Variants in IGF2BP2 observed in about 807,000 individuals in gnomAD.
IGF2BP2 encodes insulin-like growth factor 2 mRNA-binding protein 2.
IGF2BP2 carries 17 observed loss-of-function variants against 75.8 expected under a neutral mutation model. That is an observed-to-expected ratio of 0.22 (90% CI 0.15 to 0.34). The LOEUF is 0.34. IGF2BP2 is among the 10% of genes least tolerant of loss of function. The pLI, the probability that IGF2BP2 is intolerant of heterozygous loss-of-function variation, is 1.00. For synonymous variants in IGF2BP2, 288 were observed against 295.6 expected, an observed-to-expected ratio of 0.97 and a Z score of 0.26; for missense variants, 516 against 772.4, an observed-to-expected ratio of 0.67 and a Z score of 3.93.
intron 2 of IGF2BP2, among the ~76,000 whole-genome samples, chr3:185,721,721 T>C (rs2149470632): frequency 6.6e-6 from 1 of 152,282 alleles, no homozygotes; most frequent in East Asian, 1.9e-4. Context: ...TCCTCTTCTC[T>C]GTCTACCACC....
chr3:185,679,431 AC>A (rs1377025346), intron 7 of IGF2BP2, among the ~76,000 whole-genome samples: 1 of 151,982 alleles, frequency 6.6e-6, no homozygotes, highest in Non-Finnish European at 1.5e-5. Context: ...ATGTTTTTAT[AC>A]CCATTAACAT....
intron 2 of IGF2BP2, among the ~76,000 whole-genome samples, chr3:185,759,000 G>A (rs1237693710): frequency 6.6e-6 from 1 of 152,174 alleles, no homozygotes; most frequent in African/African-American, 2.4e-5. Context: ...GTAATGCTGA[G>A]AATCCAAAAC....
intron 2 of IGF2BP2, among the ~76,000 whole-genome samples, chr3:185,705,915 G>A (rs1259096482): frequency 6.6e-6 from 1 of 152,152 alleles, no homozygotes; most frequent in Non-Finnish European, 1.5e-5. Context: ...GAATTTGGGG[G>A]AGACACAAAC....
chr3:185,652,100 C>T lies in IGF2BP2; in HGVS notation c.1455G>A (p.Gln485=). ...GGTGTCCCTTGGCACTAACCTTGAA[C>T]TGGGCTTCCGGTGGCCCGGTGATGA... ...MVIITGPPEA[Q]FKAQGRIFGK... The change falls in exon 13 of 16, where the codon CAG becomes CAA. Residue 485 remains glutamine (Q), a synonymous_variant. Coordinates refer to ENST00000382199, the MANE Select transcript of IGF2BP2 (RefSeq NM_006548.6). 1 of 1,612,526 alleles carries T rather than the reference C, an allele frequency of 6.2e-7. No individual in the cohort carries two copies. The highest frequency in any genetic ancestry group is 8.5e-7 in the Non-Finnish European group (1 of 1,178,988).
In IGF2BP2 at chr3:185,677,066, T is replaced by G. The variant is rs865808429; in HGVS notation, c.813-1153A>C. ...GGAGATATATATATATATATATATA[T>G]ATAGAGAGAGAGAGAGAGAGAGAGA... On this transcript the variant is annotated intron_variant, in intron 7 of 15. Coordinates refer to ENST00000382199, the MANE Select transcript of IGF2BP2 (RefSeq NM_006548.6). Among the ~76,000 whole-genome samples the G allele has an allele frequency of 7.5e-3, 289 of 38,332 alleles. 2 individuals are homozygous for G. Among genetic ancestry groups the G allele is most frequent in the African/African-American group, 0.023 (179 of 7,904 alleles). 25.1% of individuals were successfully genotyped at this position (38,332 alleles called of 152,430 possible). A position where few individuals can be genotyped will look rare whatever the true frequency, so the allele number is the denominator to read the frequency against.
intron 12 of IGF2BP2, among the ~76,000 whole-genome samples, chr3:185,654,453 A>C (rs1397393809): frequency 6.6e-6 from 1 of 152,140 alleles, no homozygotes; most frequent in Non-Finnish European, 1.5e-5. Context: ...CCACCACCCA[A>C]ACCGAGAAGG....
intron 2 of IGF2BP2, among the ~76,000 whole-genome samples, chr3:185,756,844 G>A (rs976822352): frequency 1.7e-4 from 26 of 152,166 alleles, no homozygotes; most frequent in African/African-American, 5.8e-4. Context: ...GCATGGTGGT[G>A]AGCATCTGTA....
chr3:185,740,941 G>A (rs751322590), intron 2 of IGF2BP2, among the ~76,000 whole-genome samples: 8 of 152,142 alleles, frequency 5.3e-5, no homozygotes, highest in Non-Finnish European at 8.8e-5. Flanking sequence ...GCGGTGGCGC[G>A]ATCTCGGCTC....
chr3:185,821,221 C>G, intron 2 of IGF2BP2: 1 of 1,111,422 alleles, frequency 9.0e-7, no homozygotes, highest in East Asian at 2.7e-5. Flanking sequence ...TGTAACTCCT[C>G]TAGAGCAGCA....
At chr3:185,744,925 G>GT (rs1335183672) in intron 2 of IGF2BP2, among the ~76,000 whole-genome samples, 3 of 152,138 alleles carry the variant, frequency 2.0e-5, no homozygotes, top group South Asian at 2.1e-4. Context: ...GATAAACCTA[G>GT]TTTTTTTAAC....
rs1717321019 is a variant in IGF2BP2 at position 185,665,455 on chromosome 3, GAGAAGAAGAAGAAGAAGAAGGAGAAGA to G, written c.1200+7059_1201-7047del. ...GGAGGAGGAGAAGGAGGAGGAGGAGGAGAAGAAGAAGAAGAAGAAGGAGAAGAAGGAGGAGAAGGAGGAGGAGAAGGA... is the reference window on the plus strand; with the variant it reads ...GGAGGAGGAGAAGGAGGAGGAGGAGGAGGAGGAGAAGGAGGAGGAGAAGGA... On this transcript the variant is annotated intron_variant, in intron 10 of 15. Coordinates refer to ENST00000382199, the MANE Select transcript of IGF2BP2 (RefSeq NM_006548.6). Among the ~76,000 whole-genome samples the G allele has an allele frequency of 2.9e-4, 29 of 101,022 alleles. 2 individuals carry two copies. Among genetic ancestry groups the G allele is most frequent in the Admixed American group, 4.1e-4 (4 of 9,646 alleles). 66.3% of individuals were successfully genotyped at this position (101,022 alleles called of 152,430 possible).
At chr3:185,790,454 A>C (rs1736494669) in intron 2 of IGF2BP2, among the ~76,000 whole-genome samples, 1 of 152,224 alleles carries the variant, frequency 6.6e-6, no homozygotes, top group Admixed American at 6.5e-5. Flanking sequence ...TAATCTCTTC[A>C]AACAGCCCAC....
intron 2 of IGF2BP2, among the ~76,000 whole-genome samples, chr3:185,745,558 C>T (rs1346179809): frequency 6.6e-6 from 1 of 152,112 alleles, no homozygotes; most frequent in Non-Finnish European, 1.5e-5. Flanking sequence ...GCTGCCCAGC[C>T]AAGATGGAAC....
intron 12 of IGF2BP2, among the ~76,000 whole-genome samples, chr3:185,654,478 C>T (rs1469722170): frequency 1.3e-5 from 2 of 152,226 alleles, no homozygotes; most frequent in Non-Finnish European, 2.9e-5. Flanking sequence ...ATGGCTGATT[C>T]ATGATTCACG....
At chr3:185,686,871 T>C (rs953877185) in intron 7 of IGF2BP2, among the ~76,000 whole-genome samples, 186 bp downstream of exon 7, 26 of 152,016 alleles carry the variant, frequency 1.7e-4, no homozygotes, top group African/African-American at 5.1e-4. Context: ...GACAGCCATA[T>C]GTAAATGCAA....
chr3:185,743,773 C>A (rs532339391), intron 2 of IGF2BP2, among the ~76,000 whole-genome samples: 69 of 152,290 alleles, frequency 4.5e-4, no homozygotes, highest in Middle Eastern at 3.4e-3. Flanking sequence ...AATTCAATAA[C>A]AAAGCAAACA....
chr3:185,713,090 GTGTGTGTGTGTGCAAGAGACATATA>G (rs989550215), intron 2 of IGF2BP2, among the ~76,000 whole-genome samples: 1 of 151,836 alleles, frequency 6.6e-6, no homozygotes, highest in African/African-American at 2.4e-5. Context: ...GTGTGTGTGT[GTGTGTGTGTGTGCAAGAGACATATA>G]TGTGTGTGTG....
intron 13 of IGF2BP2, among the ~76,000 whole-genome samples, chr3:185,651,521 A>G (rs1374924263): frequency 6.6e-6 from 1 of 152,140 alleles, no homozygotes; most frequent in African/African-American, 2.4e-5. Flanking sequence ...GGCTGAGGCT[A>G]TTGCTTTTGA....
At chr3:185,739,588 T>C (rs915117620) in intron 2 of IGF2BP2, among the ~76,000 whole-genome samples, 4 of 152,106 alleles carry the variant, frequency 2.6e-5, no homozygotes, top group African/African-American at 7.2e-5. Context: ...ACACTGATGC[T>C]GTCCCGTGAT....
Sources: allele counts gnomAD v4.1 joint callset (sites outside exome capture counted in the v4.1 genomes callset), GRCh38; gene constraint gnomAD v4.1.1; transcripts MANE v1.5; gene names NCBI Gene and HGNC (gene_info 2026-07-23, HGNC 2026-07-21).